Variants in CDC14A observed in about 807,000 individuals in gnomAD.
CDC14A encodes the protein dual specificity protein phosphatase CDC14A.
In CDC14A, 53 loss-of-function variants were observed where a neutral mutation model predicts 74.4. That is an observed-to-expected ratio of 0.71 (90% CI 0.57 to 0.89). CDC14A has a LOEUF of 0.89. Ranked by LOEUF, CDC14A falls within the 40% of genes least tolerant of loss-of-function variation. The pLI is 0.00. For missense variants in CDC14A, 646 were observed against 713.7 expected, an observed-to-expected ratio of 0.91 and a Z score of 1.08; for synonymous variants, 247 against 258.4, an observed-to-expected ratio of 0.96 and a Z score of 0.43.
intron 2 of CDC14A, among the ~76,000 whole-genome samples, chr1:100,369,265 C>T (rs148334383): frequency 1.6e-4 from 24 of 152,146 alleles, no homozygotes; most frequent in African/African-American, 5.3e-4. Flanking sequence ...TGTGCCACCA[C>T]GCCCAGCTAA....
At chr1:100,459,981 A>G (rs985010154) in intron 8 of CDC14A, among the ~76,000 whole-genome samples, 3 of 152,218 alleles carry the variant, frequency 2.0e-5, no homozygotes, top group Non-Finnish European at 4.4e-5. Context: ...GATAGAATCA[A>G]GTTGAATCTT....
intron 11 of CDC14A, among the ~76,000 whole-genome samples, chr1:100,493,987 T>C (rs1647394797): frequency 6.6e-6 from 1 of 152,198 alleles, no homozygotes; most frequent in African/African-American, 2.4e-5. Context: ...GATTTTTCAG[T>C]TGAGGAAAAA....
At chr1:100,376,360 G>A (rs1421882804) in intron 2 of CDC14A, among the ~76,000 whole-genome samples, 1 of 152,122 alleles carries the variant, frequency 6.6e-6, no homozygotes, top group Non-Finnish European at 1.5e-5. Flanking sequence ...TGGCAAAATA[G>A]GAAGAGAAAG....
chr1:100,424,185 C>A, intron 4 of CDC14A, 37 bp from the exon 5 acceptor site: 1 of 1,474,680 alleles, frequency 6.8e-7, no homozygotes, highest in Non-Finnish European at 9.5e-7. Flanking sequence ...TTGTGTCATT[C>A]TTGGGTGTTC....
upstream of CDC14A, among the ~76,000 whole-genome samples, chr1:100,349,473 C>T (rs1391091117): frequency 6.6e-6 from 1 of 152,136 alleles, no homozygotes; most frequent in Non-Finnish European, 1.5e-5. Context: ...GAACTTTGAC[C>T]TCAGGATAAC....
intron 4 of CDC14A, among the ~76,000 whole-genome samples, chr1:100,410,350 CT>C (rs1660519351): frequency 2.0e-5 from 3 of 151,988 alleles, no homozygotes; most frequent in African/African-American, 7.3e-5. Context: ...AAGACGGAGT[CT>C]TGCTCTGTTG....
chr1:100,479,007 A>T (rs1669193916), intron 10 of CDC14A, among the ~76,000 whole-genome samples: 1 of 152,152 alleles, frequency 6.6e-6, no homozygotes, highest in Non-Finnish European at 1.5e-5. Flanking sequence ...CATATTCAAT[A>T]ACAAGGGTGT....
intron 2 of CDC14A, among the ~76,000 whole-genome samples, chr1:100,359,075 G>A (rs1652319500): frequency 6.6e-6 from 1 of 152,152 alleles, no homozygotes; most frequent in Non-Finnish European, 1.5e-5. Flanking sequence ...AAATTGCTAT[G>A]ATATAGACAG....
intron 2 of CDC14A, among the ~76,000 whole-genome samples, chr1:100,375,474 G>C (rs1197685244): frequency 6.6e-6 from 1 of 152,146 alleles, no homozygotes; most frequent in Non-Finnish European, 1.5e-5. Context: ...GATTGGGAAG[G>C]GGAGAGAGAT....
At chr1:100,350,038 G>A (rs1036955644), upstream of CDC14A, among the ~76,000 whole-genome samples, 7 of 150,740 alleles carry the variant, frequency 4.6e-5, no homozygotes, top group Admixed American at 2.0e-4. Context: ...TGCAACCTCC[G>A]CCTCCCAGGT....
intron 11 of CDC14A, among the ~76,000 whole-genome samples, chr1:100,492,145 AAT>A (rs1238105724): frequency 1.3e-5 from 2 of 152,210 alleles, no homozygotes; most frequent in African/African-American, 4.8e-5. Context: ...TAAGATTCAC[AAT>A]AGAATGAGAG....
rs1649453885 is a variant in CDC14A at position 100,508,688 on chromosome 1, C to T, written c.1755+9426C>T. ...AGCCCTGGCCCGAGGGCAATGGTCC[C>T]AATTTCTCTCAGCCTCCTTCCCCAT... On this transcript the variant is annotated intron_variant, in intron 15 of 15. Coordinates refer to ENST00000336454, the MANE Select transcript of CDC14A (RefSeq NM_003672.4). The surrounding 1 kb of genome is among the most constrained non-coding windows in gnomAD (Gnocchi z 4.4). Among the ~76,000 whole-genome samples the T allele has an allele frequency of 6.6e-6, 1 of 152,192 alleles. No individual in the cohort carries two copies. The highest frequency in any genetic ancestry group is 6.5e-5 in the Admixed American group (1 of 15,274).
intron 10 of CDC14A, among the ~76,000 whole-genome samples, chr1:100,476,347 G>A (rs1344883733): frequency 2.6e-5 from 4 of 152,068 alleles, no homozygotes; most frequent in Non-Finnish European, 4.4e-5. Context: ...CAGCTACTTC[G>A]GAGGCTGAAG....
At chr1:100,505,003 T>C in intron 15 of CDC14A, 1 of 1,326,268 alleles carries the variant, frequency 7.5e-7, no homozygotes, top group Non-Finnish European at 1.0e-6. Context: ...TACATGAACA[T>C]CTATATTTGT....
chr1:100,449,288 A>G (rs1053321947), intron 7 of CDC14A, among the ~76,000 whole-genome samples: 1 of 152,180 alleles, frequency 6.6e-6, no homozygotes, highest in African/African-American at 2.4e-5. Flanking sequence ...AAGACTTCAC[A>G]TTACTATCAG....
At chr1:100,380,977 C>T (rs970122506) in intron 3 of CDC14A, among the ~76,000 whole-genome samples, 2 of 152,214 alleles carry the variant, frequency 1.3e-5, no homozygotes, top group African/African-American at 2.4e-5. Context: ...TTGAGGGTGC[C>T]TCCCTTGTTT....
chr1:100,390,860 G>T, intron 4 of CDC14A, 36 bp downstream of exon 4: 4 of 1,442,326 alleles, frequency 2.8e-6, no homozygotes, highest in Non-Finnish European at 3.9e-6. Context: ...TCTATAATCA[G>T]GCCAGTGAAA....
At chr1:100,382,994 T>C (rs976264568) in intron 3 of CDC14A, among the ~76,000 whole-genome samples, 3 of 152,232 alleles carry the variant, frequency 2.0e-5, no homozygotes, top group Non-Finnish European at 4.4e-5. Context: ...CACCCTATTA[T>C]AACTACAAAA....
chr1:100,453,493 A>G (rs182192006), intron 7 of CDC14A, among the ~76,000 whole-genome samples: 2 of 152,302 alleles, frequency 1.3e-5, no homozygotes, highest in African/African-American at 4.8e-5. Context: ...TTAATTTGAG[A>G]CTTTTATTTA....
Sources: gnomAD v4.1 joint callset for allele counts (sites outside exome capture counted in the v4.1 genomes callset) on GRCh38, gnomAD v4.1.1 for gene constraint, Gnocchi (gnomAD v3.1) non-coding constraint, MANE v1.5 for transcripts, NCBI Gene and HGNC (gene_info 2026-07-23, HGNC 2026-07-21) for gene names.